Variants in STK38 observed in about 807,000 individuals in gnomAD.
The protein encoded by STK38 is serine/threonine kinase 38.
STK38 carries 26 observed loss-of-function variants against 59.0 expected under a neutral mutation model. That is an observed-to-expected ratio of 0.44 (90% CI 0.32 to 0.61). The LOEUF is 0.61. Ranked by LOEUF, STK38 falls within the 20% of genes least tolerant of loss-of-function variation. STK38 has a pLI of 0.04. For synonymous variants in STK38, 175 were observed against 176.6 expected (o/e 0.99, Z 0.07); for missense variants, 433 against 566.0 (o/e 0.76, Z 2.38).
At chr6:36,504,954 A>G (rs1713991832) in intron 9 of STK38, among the ~76,000 whole-genome samples, 1 of 151,956 alleles carries the variant, frequency 6.6e-6, no homozygotes, top group Admixed American at 6.6e-5. Flanking sequence ...AGAAAGAAAG[A>G]AAAGAAATCA....
In STK38 at chr6:36,521,743, T is replaced by C. The variant is rs367829754; in HGVS notation, c.381A>G (p.Glu127=). The change falls in exon 5 of 14, where the codon GAA becomes GAG. Residue 127 remains glutamate (E), a synonymous_variant. Coordinates refer to ENST00000229812, the MANE Select transcript of STK38 (RefSeq NM_007271.4). The part of the protein sequence containing the change: ...MKILRKADML[E]KEQVGHIRAE... ...TACAACTGTGCTTTACCTGCTCTTT[T>C]TCAAGCATATCTGCTTTACGGAGTA... 109 of 1,610,160 alleles carry C rather than the reference T, an allele frequency of 6.8e-5. No homozygotes were observed. The highest frequency in any genetic ancestry group is 8.6e-5 in the Non-Finnish European group (101 of 1,178,988).
intron 2 of STK38, among the ~76,000 whole-genome samples, chr6:36,534,574 G>C (rs1293775300): frequency 1.3e-5 from 2 of 151,908 alleles, no homozygotes; most frequent in Non-Finnish European, 2.9e-5. Context: ...AATCACTCGA[G>C]CCCAGGAGGT....
chr6:36,517,818 C>G lies in STK38; in HGVS notation c.413G>C (p.Arg138Pro). ...ACTGTCTGCCTCCACTAGAATGTCA[C>G]GCTCCGCACGAATGTGGCCAACCTG... The part of the protein sequence containing the change: ...KEQVGHIRAE[R>P]DILVEADSLW... Residue 138 changes from arginine to proline, a missense_variant, in exon 6 of 14, where the codon CGT becomes CCT. Arg to Pro is a moderately radical substitution (Grantham distance 103, BLOSUM62 -2). Coordinates refer to ENST00000229812, the MANE Select transcript of STK38 (RefSeq NM_007271.4). The G allele has an allele frequency of 6.2e-7, 1 of 1,614,050 alleles. No individual in the cohort carries two copies. The highest frequency in any genetic ancestry group is 8.5e-7 in the Non-Finnish European group (1 of 1,179,930).
rs189806905 is a variant in STK38 at position 36,513,951 on chromosome 6, C to A, written c.669+1387G>T. 2.7e-5 allele frequency among the ~76,000 whole-genome samples: 4 copies of A among 149,630 alleles called. No individual in the cohort carries two copies. The South Asian group carries it at 6.4e-4, about 24-fold the overall frequency. ...CGGGCAGATCACAAGGTCAGGAGATCGAGACCATCATGGCTAACACCGTGA... is the reference window on the plus strand; with the variant it reads ...CGGGCAGATCACAAGGTCAGGAGATAGAGACCATCATGGCTAACACCGTGA... On this transcript the variant is annotated intron_variant, in intron 7 of 13. Transcript: ENST00000229812.
chr6:36,495,904 A>G lies in STK38; in HGVS notation c.1278T>C (p.Ser426=), dbSNP rs1203982847. ...TCTTGTAGTCAGTCTCAGGATGATT[A>G]CTTGTGGCCACTGGGAAAGAAATAG... The part of the protein sequence containing the change: ...SDILKPTVAT[S]NHPETDYKNK... The change falls in exon 14 of 14, where the codon AGT becomes AGC. Residue 426 remains serine (S), a synonymous_variant. Coordinates refer to ENST00000229812, the MANE Select transcript of STK38 (RefSeq NM_007271.4). The G allele has an allele frequency of 6.2e-7, 1 of 1,613,870 alleles. No homozygotes were observed. Among genetic ancestry groups the G allele is most frequent in the Non-Finnish European group, 8.5e-7 (1 of 1,179,930 alleles).
At chr6:36,507,930 ATTTTTTTTT>A (rs35789250) in intron 7 of STK38, among the ~76,000 whole-genome samples, 2 of 113,258 alleles carry the variant, frequency 1.8e-5, no homozygotes, top group African/African-American at 7.2e-5. Flanking sequence ...GGTATTCAGA[ATTTTTTTTT>A]TTTTTTTTTT....
chr6:36,527,054 T>C (rs1345494259), intron 2 of STK38, among the ~76,000 whole-genome samples: 1 of 151,456 alleles, frequency 6.6e-6, no homozygotes, highest in Non-Finnish European at 1.5e-5. Flanking sequence ...CAGCTAGGCG[T>C]GGTGGCGAGC....
chr6:36,530,146 C>CA (rs1257574787), intron 2 of STK38, among the ~76,000 whole-genome samples: 3 of 152,026 alleles, frequency 2.0e-5, no homozygotes, highest in Admixed American at 2.0e-4. Flanking sequence ...GAGGCTGAGG[C>CA]AGGAAAATCT....
rs1040676394 is a variant in STK38 at position 36,539,058 on chromosome 6, C to T, written c.131+1014G>A. ...TACAAGTTTTCTGTACTTCTGAATACTTTCATAGTAAAATATTGGGAAAAA... is the reference window on the plus strand; with the variant it reads ...TACAAGTTTTCTGTACTTCTGAATATTTTCATAGTAAAATATTGGGAAAAA... On this transcript the variant is annotated intron_variant, in intron 2 of 13. Transcript: ENST00000229812. Among the ~76,000 whole-genome samples the T allele has an allele frequency of 2.0e-5, 3 of 151,762 alleles. No homozygotes were observed. In the East Asian group the frequency reaches 5.8e-4, roughly 29 times the overall value.
chr6:36,547,301 C>G lies in STK38; in HGVS notation c.-117G>C, dbSNP rs1290155751. 1 of 152,702 alleles carries G rather than the reference C, an allele frequency of 6.5e-6. No individual in the cohort carries two copies. The highest frequency in any genetic ancestry group is 1.5e-5 in the Non-Finnish European group (1 of 68,402). 9.5% of individuals were successfully genotyped at this position (152,702 alleles called of 1,614,324 possible). Reference sequence around the variant, plus strand: ...GCCCCGGCGGCGGCAGCCAACGAGCCAAAGACGGGAGGGGACGCGTGAGGG... The same window carrying G: ...GCCCCGGCGGCGGCAGCCAACGAGCGAAAGACGGGAGGGGACGCGTGAGGG... On this transcript the variant is annotated 5_prime_UTR_variant, in exon 1 of 14. Transcript: ENST00000229812.
At chr6:36,506,886 G>C (rs747818442) in intron 8 of STK38, among the ~76,000 whole-genome samples, 4 of 152,166 alleles carry the variant, frequency 2.6e-5, no homozygotes, top group African/African-American at 7.2e-5. Flanking sequence ...GGATCAAGTG[G>C]CAGAGGATAC....
chr6:36,529,226 T>C (rs1198610173), intron 2 of STK38, among the ~76,000 whole-genome samples: 2 of 152,118 alleles, frequency 1.3e-5, no homozygotes. Flanking sequence ...TACTTGACAG[T>C]ATGTAGGATT....
chr6:36,495,779 G>A lies in STK38; in HGVS notation c.*5C>T. 1.9e-6 allele frequency: 3 copies of A among 1,613,806 alleles called. No individual in the cohort carries two copies. The highest frequency in any genetic ancestry group is 2.5e-6 in the Non-Finnish European group (3 of 1,179,822). ...TGCTCCACATAGGATTCCGTGGCAA[G>A]AGTACTATTTTGCTGCTTTCATGTA... is the stretch of plus-strand genomic sequence containing the variant. On this transcript the variant is annotated 3_prime_UTR_variant, in exon 14 of 14. Transcript: ENST00000229812.
intron 11 of STK38, 110 bp downstream of exon 11, chr6:36,498,253 G>T: frequency 7.2e-7 from 1 of 1,398,112 alleles, no homozygotes; most frequent in Non-Finnish European, 9.8e-7. Context: ...TTAAAGAGAG[G>T]AATAGGAGGA....
At chr6:36,516,462 T>C (rs191567698) in intron 6 of STK38, among the ~76,000 whole-genome samples, 1 of 152,250 alleles carries the variant, frequency 6.6e-6, no homozygotes, top group Non-Finnish European at 1.5e-5. Flanking sequence ...CAGAGCATCA[T>C]GCTGCTTTTT....
intron 7 of STK38, among the ~76,000 whole-genome samples, chr6:36,510,625 T>C (rs1363408790): frequency 1.3e-5 from 2 of 152,096 alleles, no homozygotes; most frequent in Admixed American, 1.3e-4. Flanking sequence ...ACCGCTGCCA[T>C]TATGACCATG....
At chr6:36,537,506 TAGG>T (rs750274784) in intron 2 of STK38, among the ~76,000 whole-genome samples, 7 of 152,222 alleles carry the variant, frequency 4.6e-5, no homozygotes, top group Non-Finnish European at 8.8e-5. Context: ...TGTTTATCAA[TAGG>T]AGAATGGACA....
At chr6:36,532,593 T>C (rs1302883487) in intron 2 of STK38, among the ~76,000 whole-genome samples, 4 of 151,980 alleles carry the variant, frequency 2.6e-5, no homozygotes, top group Non-Finnish European at 5.9e-5. Context: ...CTGGCCAACG[T>C]GGTGAAACCC....
chr6:36,508,519 A>C (rs1318841944), intron 7 of STK38, among the ~76,000 whole-genome samples: 1 of 152,216 alleles, frequency 6.6e-6, no homozygotes, highest in Non-Finnish European at 1.5e-5. Context: ...CCAGGAGTAA[A>C]CTGTTTCAAA....
Sources: allele counts gnomAD v4.1 joint callset (sites outside exome capture counted in the v4.1 genomes callset), GRCh38; gene constraint gnomAD v4.1.1; transcripts MANE v1.5; gene names NCBI Gene and HGNC (gene_info 2026-07-23, HGNC 2026-07-21).